PHLDB2: variants seen among roughly 807,000 people sequenced by gnomAD.
PHLDB2 encodes pleckstrin homology like domain family B member 2, also known as pleckstrin homology-like domain family B member 2.
Under a neutral mutation model 123.6 loss-of-function variants are expected in PHLDB2, and 71 were observed. That is an observed-to-expected ratio of 0.57 (90% CI 0.47 to 0.70). PHLDB2 has a LOEUF of 0.70. PHLDB2 is among the 30% of genes least tolerant of loss of function. The probability of loss-of-function intolerance (pLI) is 0.00; values close to 1 mark genes in which losing one functional copy is unlikely to be tolerated. For missense variants in PHLDB2, 1,446 were observed against 1,519.5 expected, an observed-to-expected ratio of 0.95 and a Z score of 0.80; for synonymous variants, 547 against 541.6, an observed-to-expected ratio of 1.01 and a Z score of -0.14.
At chr3:111,969,161 C>A (rs1006147649) in intron 15 of PHLDB2, among the ~76,000 whole-genome samples, 1 of 152,170 alleles carries the variant, frequency 6.6e-6, no homozygotes, top group African/African-American at 2.4e-5. Context: ...AAATATAAAT[C>A]TCTGCCTTCA....
intron 3 of PHLDB2, 184 bp downstream of exon 3, chr3:111,913,886 T>C (rs1457482869): frequency 2.7e-6 from 2 of 740,576 alleles, no homozygotes; most frequent in South Asian, 2.0e-5. Flanking sequence ...GTAACAAATT[T>C]GCACTGTAAA....
chr3:111,775,794 A>G (rs1000620419), intron 1 of PHLDB2, among the ~76,000 whole-genome samples: 4 of 152,184 alleles, frequency 2.6e-5, no homozygotes, highest in African/African-American at 7.2e-5. Flanking sequence ...TTTTTCTACA[A>G]TTGAACACCT....
intron 10 of PHLDB2, chr3:111,950,011 T>G (rs1260875285): frequency 1.6e-6 from 1 of 634,240 alleles, no homozygotes; most frequent in Non-Finnish European, 2.0e-6. Context: ...CATACTTCTC[T>G]GATTTTTTTT....
At chr3:111,867,974 T>A (rs1166053991) in intron 1 of PHLDB2, among the ~76,000 whole-genome samples, 4 of 151,598 alleles carry the variant, frequency 2.6e-5, no homozygotes, top group Non-Finnish European at 5.9e-5. Flanking sequence ...GTGCTGGAAT[T>A]ACAGGCCTGA....
chr3:111,964,135 TG>T (rs1577211385), intron 13 of PHLDB2, among the ~76,000 whole-genome samples: 3 of 152,132 alleles, frequency 2.0e-5, no homozygotes, highest in Non-Finnish European at 2.9e-5. Context: ...TTTCTGACCA[TG>T]GGGATTAGTT....
chr3:111,831,691 T>C (rs2063046105), intron 1 of PHLDB2, among the ~76,000 whole-genome samples: 1 of 152,206 alleles, frequency 6.6e-6, no homozygotes, highest in South Asian at 2.1e-4. Flanking sequence ...TATCTGTATC[T>C]ATCTAAACAG....
intron 5 of PHLDB2, among the ~76,000 whole-genome samples, chr3:111,922,589 T>C (rs1369601548): frequency 6.6e-6 from 1 of 152,152 alleles, no homozygotes; most frequent in Non-Finnish European, 1.5e-5. Flanking sequence ...TGGCAGAAAC[T>C]GGCTTGGGGT....
chr3:111,780,757 G>C (rs1196907548), intron 1 of PHLDB2, among the ~76,000 whole-genome samples: 1 of 152,032 alleles, frequency 6.6e-6, no homozygotes, highest in Non-Finnish European at 1.5e-5. Context: ...TTGCAGCTTT[G>C]ATGTCCCCGT....
intron 1 of PHLDB2, among the ~76,000 whole-genome samples, chr3:111,869,865 A>G (rs975810149): frequency 9.9e-5 from 15 of 152,240 alleles, no homozygotes; most frequent in African/African-American, 2.4e-4. Context: ...TGATAATTGT[A>G]AACATCCTCC....
intron 6 of PHLDB2, among the ~76,000 whole-genome samples, chr3:111,933,277 A>G (rs559038434): frequency 2.6e-5 from 4 of 152,326 alleles, no homozygotes; most frequent in African/African-American, 7.2e-5. Flanking sequence ...TTAACAATTT[A>G]TGATTCTACC....
intron 8 of PHLDB2, among the ~76,000 whole-genome samples, chr3:111,942,831 GTTAATA>G (rs1161416755): frequency 6.7e-6 from 1 of 149,094 alleles, no homozygotes; most frequent in Non-Finnish European, 1.5e-5. Context: ...AGTATAATAT[GTTAATA>G]TTAATATATA....
rs1265998311 is a variant in PHLDB2 at position 111,926,787 on chromosome 3, TG to T, written c.2002-5478del. Among the ~76,000 whole-genome samples, 7 of 151,920 alleles carry T rather than the reference TG, an allele frequency of 4.6e-5. No homozygotes were observed. In the East Asian group the frequency reaches 1.3e-3, roughly 29 times the overall value. The stretch of plus-strand genomic sequence containing the variant: ...CAGTTCCAAAATCTGAAAAGTTTCA[TG>T]GGGAAAAAAAGTAATTTTGTAAGGT... On this transcript the variant is annotated intron_variant, in intron 5 of 17. Coordinates refer to ENST00000431670, the MANE Select transcript of PHLDB2 (RefSeq NM_001134438.2).
intron 1 of PHLDB2, among the ~76,000 whole-genome samples, chr3:111,827,436 G>A (rs1166494677): frequency 6.6e-6 from 1 of 152,068 alleles, no homozygotes; most frequent in Non-Finnish European, 1.5e-5. Context: ...AGCACTTTGG[G>A]AGGCCCAGGT....
intron 16 of PHLDB2, among the ~76,000 whole-genome samples, chr3:111,971,644 C>A (rs1260001915): frequency 1.3e-5 from 2 of 152,162 alleles, no homozygotes; most frequent in Non-Finnish European, 2.9e-5. Context: ...CCTACCCCCA[C>A]CCCTGCTTCT....
At chr3:111,839,762 A>G (rs76850501) in intron 1 of PHLDB2, among the ~76,000 whole-genome samples, 183 of 152,220 alleles carry the variant, frequency 1.2e-3, no homozygotes, top group African/African-American at 4.4e-3. Context: ...AAATACCTCT[A>G]GTATTTTCTG....
chr3:111,779,981 C>A, intron 1 of PHLDB2: 1 of 539,898 alleles, frequency 1.9e-6, no homozygotes, highest in Non-Finnish European at 2.4e-6. Flanking sequence ...AGGACTCTGA[C>A]ATGTGTCTAT....
At chr3:111,737,376 G>A (rs189402424) in intron 1 of PHLDB2, among the ~76,000 whole-genome samples, 93 of 152,250 alleles carry the variant, frequency 6.1e-4, no homozygotes, top group African/African-American at 2.1e-3. Flanking sequence ...GACTTCTGAG[G>A]TTCTAATGAT....
chr3:111,928,686 A>G (rs1040759239), intron 5 of PHLDB2, among the ~76,000 whole-genome samples: 2 of 152,156 alleles, frequency 1.3e-5, no homozygotes, highest in African/African-American at 2.4e-5. Flanking sequence ...TAATTTACCC[A>G]TGGGTAATTT....
chr3:111,924,721 G>A lies in PHLDB2; in HGVS notation c.2001+4302G>A, dbSNP rs148444674. ...TCTCTGTTGGGCAAGCTCCGATTCA[G>A]ATGTTAATAGTACATCCTGTAAGCC... is the stretch of plus-strand genomic sequence containing the variant. On this transcript the variant is annotated intron_variant, in intron 5 of 17. Coordinates refer to ENST00000431670, the MANE Select transcript of PHLDB2 (RefSeq NM_001134438.2). 5.3e-3 allele frequency among the ~76,000 whole-genome samples: 810 copies of A among 152,380 alleles called. 9 individuals are homozygous for A. The highest frequency in any genetic ancestry group is 0.019 in the African/African-American group (780 of 41,592).
Sources: gnomAD v4.1 joint callset for allele counts (sites outside exome capture counted in the v4.1 genomes callset) on GRCh38, gnomAD v4.1.1 for gene constraint, MANE v1.5 for transcripts, NCBI Gene and HGNC (gene_info 2026-07-23, HGNC 2026-07-21) for gene names.